PCDH15: variants seen among roughly 807,000 people sequenced by gnomAD.
PCDH15 encodes protocadherin-15.
In PCDH15, 129 loss-of-function variants were observed where a neutral mutation model predicts 178.5. The observed-to-expected ratio is 0.72, with a 90% CI of 0.63 to 0.84. PCDH15 has a LOEUF of 0.84. Among genes scored for constraint, PCDH15 ranks in the 40% least tolerant of loss-of-function variants. The pLI, the probability that PCDH15 is intolerant of heterozygous loss-of-function variation, is 0.00. For synonymous variants in PCDH15, 800 were observed against 732.0 expected (o/e 1.09, Z -1.50); for missense variants, 2,230 against 2,099.9 (o/e 1.06, Z -1.21).
intron 35 of PCDH15, among the ~76,000 whole-genome samples, chr10:53,815,811 CA>C (rs2076041083): frequency 6.6e-6 from 1 of 151,836 alleles, no homozygotes; most frequent in Non-Finnish European, 1.5e-5. Flanking sequence ...TATATGTGTC[CA>C]AAAGAAGTAT....
At chr10:53,943,339 G>A (rs994544844) in intron 23 of PCDH15, among the ~76,000 whole-genome samples, 1 of 151,972 alleles carries the variant, frequency 6.6e-6, no homozygotes, top group Non-Finnish European at 1.5e-5. Flanking sequence ...AGCCGGTTGT[G>A]GTGGTGTGCT....
At chr10:55,575,328 G>A (rs2132114009) in intron 2 of PCDH15, among the ~76,000 whole-genome samples, 1 of 152,120 alleles carries the variant, frequency 6.6e-6, no homozygotes, top group South Asian at 2.1e-4. Flanking sequence ...GACAAATAAT[G>A]TTTTCATAGA....
In PCDH15 at chr10:55,255,185, G is replaced by A. The variant is rs181946499; in HGVS notation, c.-156+64414C>T. Among the ~76,000 whole-genome samples the A allele has an allele frequency of 8.0e-4, 121 of 151,978 alleles. No homozygotes were observed. In the East Asian group the frequency reaches 0.022, roughly 28 times the overall value. Reference sequence around the variant, plus strand: ...TTCTCGTTGTTCAATTCCCACCTATGAGTTAGAACATGCGGTGTTTGGTTT... The same window carrying A: ...TTCTCGTTGTTCAATTCCCACCTATAAGTTAGAACATGCGGTGTTTGGTTT... On this transcript the variant is annotated intron_variant, in intron 1 of 5. Transcript: ENST00000458638.
At chr10:55,475,164 A>C (rs1840038380) in intron 2 of PCDH15, among the ~76,000 whole-genome samples, 1 of 151,960 alleles carries the variant, frequency 6.6e-6, no homozygotes, top group African/African-American at 2.4e-5. Context: ...AATCTGGGGG[A>C]ACTAATTGAG....
chr10:55,430,872 A>G lies in PCDH15; in HGVS notation c.-156+196753T>C, dbSNP rs541028502. On this transcript the variant is annotated intron_variant, in intron 2 of 5. Coordinates refer to the PCDH15 transcript ENST00000613346. Reference sequence around the variant, plus strand: ...GAATTCACGACTACCCAGTTTATGTATAGAAAAAATGAAATGTTGAGAAAA... The same window carrying G: ...GAATTCACGACTACCCAGTTTATGTGTAGAAAAAATGAAATGTTGAGAAAA... 3.1e-4 allele frequency among the ~76,000 whole-genome samples: 47 copies of G among 152,314 alleles called. 1 individual carries two copies. The South Asian group carries it at 9.7e-3, about 32-fold the overall frequency.
At chr10:54,380,108 T>C (rs1392010930) in intron 3 of PCDH15, among the ~76,000 whole-genome samples, 1 of 152,110 alleles carries the variant, frequency 6.6e-6, no homozygotes, top group Non-Finnish European at 1.5e-5. Context: ...CTATAATATT[T>C]CTTTATCATA....
upstream of PCDH15, among the ~76,000 whole-genome samples, chr10:55,320,466 T>A: frequency 6.6e-6 from 1 of 152,186 alleles, no homozygotes; most frequent in East Asian, 1.9e-4. Context: ...CCTGCCATGT[T>A]GCCCACTGCT....
chr10:54,717,259 TG>T (rs1246535017), intron 1 of PCDH15, among the ~76,000 whole-genome samples: 1 of 119,494 alleles, frequency 8.4e-6, no homozygotes, highest in African/African-American at 3.3e-5. Flanking sequence ...AATTGACAAA[TG>T]GGATCTAATT....
chr10:55,236,326 GAAT>G (rs1210276778), intron 1 of PCDH15, among the ~76,000 whole-genome samples: 1 of 151,952 alleles, frequency 6.6e-6, no homozygotes, highest in Non-Finnish European at 1.5e-5. Flanking sequence ...AGGAACATTA[GAAT>G]AATGTCTACA....
chr10:54,679,262 T>A (rs1419445282), intron 1 of PCDH15, among the ~76,000 whole-genome samples: 4 of 152,084 alleles, frequency 2.6e-5, no homozygotes, highest in Non-Finnish European at 5.9e-5. Flanking sequence ...CAATATTTTG[T>A]TGGTCTAAAC....
intron 2 of PCDH15, among the ~76,000 whole-genome samples, chr10:55,495,835 G>A (rs1038511113): frequency 1.3e-5 from 2 of 151,812 alleles, no homozygotes; most frequent in African/African-American, 4.8e-5. Context: ...CAATCCATGT[G>A]CCTTTCAACT....
At chr10:54,326,038 T>C (rs12763040) in intron 7 of PCDH15, among the ~76,000 whole-genome samples, 10,594 of 152,202 alleles carry the variant, frequency 0.07, 474 homozygotes, top group African/African-American at 0.12. Flanking sequence ...TATTGGTATA[T>C]ACAAAACAGT....
At chr10:53,999,902 G>C (rs576289141) in intron 20 of PCDH15, among the ~76,000 whole-genome samples, 1 of 152,298 alleles carries the variant, frequency 6.6e-6, no homozygotes, top group African/African-American at 2.4e-5. Context: ...AAGACCCAGT[G>C]CTGTGCTGGG....
chr10:54,939,481 T>C (rs1296735852), intron 2 of PCDH15, among the ~76,000 whole-genome samples: 5 of 65,426 alleles, frequency 7.6e-5, no homozygotes, highest in African/African-American at 1.1e-4. Flanking sequence ...GGCAATAGAA[T>C]GAGACTCCGT....
intron 1 of PCDH15, among the ~76,000 whole-genome samples, chr10:55,175,561 G>A (rs12252102): frequency 0.47 from 71,375 of 150,720 alleles, 17,175 homozygotes; most frequent in East Asian, 0.67. Context: ...TACTTGGGGG[G>A]TGGCTGGCGC....
At chr10:54,367,995 C>G (rs914770282) in intron 5 of PCDH15, among the ~76,000 whole-genome samples, 1 of 151,830 alleles carries the variant, frequency 6.6e-6, no homozygotes, top group African/African-American at 2.4e-5. Context: ...AAACTAGTTA[C>G]TTGGAAATTA....
chr10:54,044,011 T>C (rs2093605725), intron 18 of PCDH15, among the ~76,000 whole-genome samples: 1 of 152,142 alleles, frequency 6.6e-6, no homozygotes, highest in Non-Finnish European at 1.5e-5. Context: ...CAGCATGTTC[T>C]AACTGTCCCT....
intron 3 of PCDH15, among the ~76,000 whole-genome samples, chr10:54,513,274 TTTA>T (rs1450548766): frequency 6.6e-6 from 1 of 150,858 alleles, no homozygotes; most frequent in East Asian, 1.9e-4. Context: ...TATTTATTTA[TTTA>T]TGAGACACAG....
At chr10:55,208,415 A>C (rs542262358) in intron 1 of PCDH15, among the ~76,000 whole-genome samples, 1 of 152,044 alleles carries the variant, frequency 6.6e-6, no homozygotes, top group South Asian at 2.1e-4. Context: ...CTCATACCAC[A>C]ACCTGCTTCC....
Sources: gnomAD v4.1 joint callset for allele counts (sites outside exome capture counted in the v4.1 genomes callset) on GRCh38, gnomAD v4.1.1 for gene constraint, MANE v1.5 for transcripts, NCBI Gene and HGNC (gene_info 2026-07-23, HGNC 2026-07-21) for gene names.